LEPR: variants seen among roughly 807,000 people sequenced by gnomAD.
The protein encoded by LEPR is OB receptor.
LEPR carries 56 observed loss-of-function variants against 114.7 expected under a neutral mutation model. That is an observed-to-expected ratio of 0.49 (90% CI 0.39 to 0.61). The LOEUF is 0.61. Ranked by LOEUF, LEPR falls within the 20% of genes least tolerant of loss-of-function variation. The pLI, the probability that LEPR is intolerant of heterozygous loss-of-function variation, is 0.00. For missense variants in LEPR, 1,202 were observed against 1,352.9 expected, an observed-to-expected ratio of 0.89 and a Z score of 1.75; for synonymous variants, 443 against 461.4, an observed-to-expected ratio of 0.96 and a Z score of 0.51.
Position 65,640,475 on chromosome 1 carries a change from T to C in LEPR, c.*3460T>C, listed in dbSNP as rs906195055. ...AAGTCACAAAATTATAGTTGTCCAC[T>C]CTACTATGACTGAAAGAAGCAGCAT... is the stretch of plus-strand genomic sequence containing the variant. On this transcript the variant is annotated 3_prime_UTR_variant, in exon 20 of 20. Coordinates refer to ENST00000349533, the MANE Select transcript of LEPR (RefSeq NM_002303.6). The C allele has an allele frequency of 1.3e-5, 2 of 152,204 alleles. No homozygotes were observed. Among genetic ancestry groups the C allele is most frequent in the Non-Finnish European group, 2.9e-5 (2 of 68,040 alleles). 9.4% of individuals were successfully genotyped at this position (152,204 alleles called of 1,614,324 possible).
intron 2 of LEPR, among the ~76,000 whole-genome samples, chr1:65,428,237 A>G (rs1304087909): frequency 6.6e-6 from 1 of 152,188 alleles, no homozygotes; most frequent in Non-Finnish European, 1.5e-5. Flanking sequence ...TTGTACATTA[A>G]TATTTCTCTT....
At chr1:65,550,448 T>A (rs1297154873) in intron 2 of LEPR, among the ~76,000 whole-genome samples, 1 of 152,238 alleles carries the variant, frequency 6.6e-6, no homozygotes, top group African/African-American at 2.4e-5. Context: ...GCAGGCCTCC[T>A]TGAGCTGTGG....
At chr1:65,486,919 C>A (rs1409812234) in intron 2 of LEPR, among the ~76,000 whole-genome samples, 1 of 152,142 alleles carries the variant, frequency 6.6e-6, no homozygotes, top group African/African-American at 2.4e-5. Flanking sequence ...ACAATAATCA[C>A]CGTCCCACCC....
chr1:65,455,495 C>G (rs1452282267), intron 2 of LEPR, among the ~76,000 whole-genome samples: 7 of 150,066 alleles, frequency 4.7e-5, no homozygotes, highest in South Asian at 2.1e-4. Flanking sequence ...AGTTTTCCTT[C>G]TAACAGACAG....
chr1:65,589,328 CAGAT>C (rs2100882221), intron 5 of LEPR, among the ~76,000 whole-genome samples: 1 of 152,072 alleles, frequency 6.6e-6, no homozygotes, highest in East Asian at 1.9e-4. Context: ...AATCTTTTAT[CAGAT>C]AGATAATTGG....
In LEPR at chr1:65,550,470, C is replaced by T. The variant is rs539970935; in HGVS notation, c.-20-15076C>T. Among the ~76,000 whole-genome samples the T allele has an allele frequency of 3.2e-4, 49 of 152,354 alleles. 1 individual carries two copies. In the South Asian group the frequency reaches 4.3e-3, roughly 14 times the overall value. On this transcript the variant is annotated intron_variant, in intron 2 of 19. Transcript: ENST00000349533. Reference sequence around the variant, plus strand: ...TCCTTGAGCTGTGGTGGGCTCCACCCAGTTCGAGCTTCCTGGCTGTTTTGT... The same window carrying T: ...TCCTTGAGCTGTGGTGGGCTCCACCTAGTTCGAGCTTCCTGGCTGTTTTGT...
chr1:65,494,665 T>C (rs913732399), intron 2 of LEPR, among the ~76,000 whole-genome samples: 3 of 152,188 alleles, frequency 2.0e-5, no homozygotes, highest in Non-Finnish European at 2.9e-5. Flanking sequence ...TCTTAAACTT[T>C]CTTAGCCACT....
Position 65,499,162 on chromosome 1 carries a change from A to T in LEPR, c.-20-66384A>T, listed in dbSNP as rs141522424. Among the ~76,000 whole-genome samples the T allele has an allele frequency of 6.0e-3, 908 of 152,266 alleles. 5 individuals are homozygous for T. Among genetic ancestry groups the T allele is most frequent in the African/African-American group, 0.021 (862 of 41,554 alleles). ...AATGCCCTTTATGTTCTCTGGTGCCAGCAGGAAAAGGAAAGCTATTAAATG... is the reference window on the plus strand; with the variant it reads ...AATGCCCTTTATGTTCTCTGGTGCCTGCAGGAAAAGGAAAGCTATTAAATG... On this transcript the variant is annotated intron_variant, in intron 2 of 19. Transcript: ENST00000349533.
At chr1:65,585,772 T>C (rs1461701629) in intron 5 of LEPR, among the ~76,000 whole-genome samples, 1 of 151,998 alleles carries the variant, frequency 6.6e-6, no homozygotes, top group Non-Finnish European at 1.5e-5. Context: ...CCTGTTACTT[T>C]TAAAATTTGA....
intron 2 of LEPR, among the ~76,000 whole-genome samples, chr1:65,475,849 G>A (rs7529650): frequency 0.5 from 75,877 of 151,324 alleles, 20,125 homozygotes; most frequent in Middle Eastern, 0.68. Flanking sequence ...AACCCCATCT[G>A]TACAAAAATA....
At position 65,448,997 on chromosome 1, in the gene LEPR, G is replaced by A. The variant is rs149805802; in HGVS notation, c.-21+23619G>A. On this transcript the variant is annotated intron_variant, in intron 2 of 19. Transcript: ENST00000349533. ...CAACCTCCACCTCCCAGGTTCAAAC[G>A]ACTCTCTTGCCTCAACCTCCCCAGT... 5.4e-3 allele frequency among the ~76,000 whole-genome samples: 819 copies of A among 152,216 alleles called. 11 individuals carry two copies. Among genetic ancestry groups the A allele is most frequent in the African/African-American group, 0.019 (790 of 41,534 alleles).
Position 65,636,558 on chromosome 1 carries a change from C to T in LEPR, c.3041C>T (p.Ser1014Phe). Residue 1014 changes from serine to phenylalanine, a missense_variant, in exon 20 of 20, where the codon TCT becomes TTT. Ser to Phe is a radical substitution (Grantham distance 155). Coordinates refer to ENST00000349533, the MANE Select transcript of LEPR (RefSeq NM_002303.6). Reference sequence around the variant, plus strand: ...AATAGTTCAGTCACCAAGTGCTTCTCTAGCAAAAATTCTCCGTTGAAGGAT... The same window carrying T: ...AATAGTTCAGTCACCAAGTGCTTCTTTAGCAAAAATTCTCCGTTGAAGGAT... ...LINSSVTKCF[S>F]SKNSPLKDSF... The T allele has an allele frequency of 6.2e-7, 1 of 1,614,074 alleles. No individual in the cohort carries two copies. Among genetic ancestry groups the T allele is most frequent in the Non-Finnish European group, 8.5e-7 (1 of 1,180,004 alleles).
In LEPR at chr1:65,572,344, A is replaced by G. The variant is rs1323169387; in HGVS notation, c.389A>G (p.Gln130Arg). Reference sequence around the variant, plus strand: ...AATTCAGATGCAAACTGGAACATACAGTGCTGGCTAAAAGGAGACTTAAAA... The same window carrying G: ...AATTCAGATGCAAACTGGAACATACGGTGCTGGCTAAAAGGAGACTTAAAA... Reference protein sequence around the residue: ...FQQIDANWNIQCWLKGDLKLF... With the variant: ...FQQIDANWNIRCWLKGDLKLF... Residue 130 changes from glutamine (Q) to arginine (R), a missense_variant, in exon 5 of 20, where the codon CAG becomes CGG. Gln to Arg is a conservative substitution (Grantham distance 43). Transcript: ENST00000349533. The G allele has an allele frequency of 2.6e-6, 4 of 1,521,268 alleles. No individual in the cohort carries two copies. The highest frequency in any genetic ancestry group is 2.7e-6 in the Non-Finnish European group (3 of 1,126,616). The allele number at this position is 1,521,268 out of a possible 1,614,324, so 94.2% of individuals were successfully genotyped here.
At chr1:65,433,438 G>A in intron 2 of LEPR, 1 of 985,404 alleles carries the variant, frequency 1.0e-6, no homozygotes, top group Non-Finnish European at 1.2e-6. Flanking sequence ...TTGAGAAAGG[G>A]AAATATGGGA....
Position 65,608,826 on chromosome 1 carries a change from A to T in LEPR, c.1677A>T (p.Glu559Asp), listed in dbSNP as rs1287262135. 4.3e-6 allele frequency: 7 copies of T among 1,613,720 alleles called. No individual in the cohort carries two copies. The African/African-American group carries it at 9.3e-5, about 22-fold the overall frequency. ...TTGGATTATTGAAAATATCTTGGGA[A>T]AAGCCAGTCTTTCCAGAGAATAACC... ...INIGLLKISW[E>D]KPVFPENNLQ... The change falls in exon 12 of 20, where the codon GAA (glutamate) becomes GAT (aspartate). Residue 559 changes from glutamate (E) to aspartate (D), a missense_variant. Physicochemically the swap from Glu to Asp is conservative, Grantham distance 45. Transcript: ENST00000349533.
At chr1:65,435,584 G>T (rs1159275724) in intron 2 of LEPR, 10 of 564,966 alleles carry the variant, frequency 1.8e-5, no homozygotes, top group Non-Finnish European at 2.2e-5. Flanking sequence ...AGCCAGGATG[G>T]TCTCGATCTC....
chr1:65,433,842 C>T (rs1352755018), intron 2 of LEPR: 40 of 984,626 alleles, frequency 4.1e-5, no homozygotes, highest in Non-Finnish European at 4.3e-5. Context: ...TGTTGCCTTG[C>T]CTGAAAAGAT....
chr1:65,498,009 G>C (rs1188150736), intron 2 of LEPR, among the ~76,000 whole-genome samples: 2 of 152,118 alleles, frequency 1.3e-5, no homozygotes, highest in African/African-American at 4.8e-5. Context: ...GTGCGTTACT[G>C]TCCCCTGTCC....
chr1:65,615,377 G>A (rs781278467), intron 14 of LEPR, among the ~76,000 whole-genome samples: 5 of 152,056 alleles, frequency 3.3e-5, no homozygotes, highest in African/African-American at 1.2e-4. Flanking sequence ...TTTTACATTC[G>A]GATCTTTAAT....
Sources: allele counts gnomAD v4.1 joint callset (sites outside exome capture counted in the v4.1 genomes callset), GRCh38; gene constraint gnomAD v4.1.1; transcripts MANE v1.5; gene names NCBI Gene and HGNC (gene_info 2026-07-23, HGNC 2026-07-21).